RASGRF1: variants seen among roughly 807,000 people sequenced by gnomAD.
RASGRF1 encodes the protein ras-specific guanine nucleotide-releasing factor 1.
Under a neutral mutation model 138.7 loss-of-function variants are expected in RASGRF1, and 40 were observed. The ratio of observed to expected loss-of-function variants is 0.29; its 90% CI spans 0.22 to 0.38. The LOEUF (loss-of-function observed/expected upper bound fraction) is 0.38. RASGRF1 is among the 10% of genes least tolerant of loss of function. The pLI, the probability that RASGRF1 is intolerant of heterozygous loss-of-function variation, is 1.00. For missense variants in RASGRF1, 1,108 were observed against 1,650.4 expected (o/e 0.67, Z 5.69); for synonymous variants, 614 against 663.2 (o/e 0.93, Z 1.14).
intron 24 of RASGRF1, among the ~76,000 whole-genome samples, chr15:78,974,507 G>A (rs2055835434): frequency 1.3e-5 from 2 of 152,184 alleles, no homozygotes; most frequent in Admixed American, 6.5e-5. Flanking sequence ...CTGGTCCTCA[G>A]GCTCCTCATG....
chr15:79,033,173 C>T (rs1425383542), intron 6 of RASGRF1, among the ~76,000 whole-genome samples: 2 of 152,212 alleles, frequency 1.3e-5, no homozygotes, highest in Non-Finnish European at 2.9e-5. Context: ...AAGTCCCAAC[C>T]AATCTCCCCA....
At chr15:78,965,308 C>T (rs932212036) in intron 26 of RASGRF1, among the ~76,000 whole-genome samples, 13 of 152,252 alleles carry the variant, frequency 8.5e-5, no homozygotes, top group South Asian at 6.2e-4. Flanking sequence ...TGCTCTTTCC[C>T]GGAGGTTCTT....
intron 1 of RASGRF1, among the ~76,000 whole-genome samples, chr15:79,087,082 G>A (rs1336752476): frequency 1.3e-5 from 2 of 152,232 alleles, no homozygotes; most frequent in African/African-American, 2.4e-5. Flanking sequence ...CACTGAGGCT[G>A]CAGCAGAGGC....
chr15:78,988,898 T>C (rs2141652002), intron 22 of RASGRF1, among the ~76,000 whole-genome samples: 1 of 143,038 alleles, frequency 7.0e-6, no homozygotes, highest in African/African-American at 2.6e-5. Flanking sequence ...ATGGAAGCCA[T>C]GAGCTACCAC....
Position 79,004,137 on chromosome 15 carries a change from T to G in RASGRF1, c.2114A>C (p.Lys705Thr). 1 of 1,605,838 alleles carries G rather than the reference T, an allele frequency of 6.2e-7. No individual in the cohort carries two copies. Among genetic ancestry groups the G allele is most frequent in the Non-Finnish European group, 8.5e-7 (1 of 1,174,664 alleles). Residue 705 changes from lysine to threonine, a missense_variant, in exon 15 of 27, where the codon AAG (lysine) becomes ACG (threonine). By Grantham distance (78) the Lys-to-Thr change is moderately conservative. Transcript: ENST00000558480. ...CTTGGGGGGTTCACCGTACAGGAGCTTATTGTTCTGGCCACTGGCAAACAG... is the reference window on the plus strand; with the variant it reads ...CTTGGGGGGTTCACCGTACAGGAGCGTATTGTTCTGGCCACTGGCAAACAG... ...ELLFASGQNN[K>T]LLYGEPPKSP...
At chr15:78,994,371 G>A (rs574989130) in intron 20 of RASGRF1, among the ~76,000 whole-genome samples, 78 of 152,344 alleles carry the variant, frequency 5.1e-4, no homozygotes, top group Non-Finnish European at 1.0e-3. Flanking sequence ...GGAACCAGGA[G>A]GGGAACATGG....
chr15:78,986,057 G>C (rs1484109969), intron 22 of RASGRF1: 2 of 151,498 alleles, frequency 1.3e-5, no homozygotes, highest in Non-Finnish European at 2.9e-5. Context: ...AAAATAAACA[G>C]TTAAAAGGTG....
chr15:79,035,989 G>C (rs768386001), intron 5 of RASGRF1, among the ~76,000 whole-genome samples: 49 of 152,206 alleles, frequency 3.2e-4, no homozygotes, highest in Non-Finnish European at 6.0e-4. Context: ...GCTTAGCGCG[G>C]GCTGGGTACA....
At position 78,985,037 on chromosome 15, in the gene RASGRF1, GA is replaced by G; in HGVS notation, c.3383del (p.Leu1128ProfsTer15). 6.2e-7 allele frequency: 1 copy of G among 1,614,114 alleles called. No homozygotes were observed. The highest frequency in any genetic ancestry group is 8.5e-7 in the Non-Finnish European group (1 of 1,180,006). On this transcript the variant is annotated frameshift_variant, in exon 23 of 27. Transcript: ENST00000558480. LOFTEE classifies it high-confidence loss of function. ...SSMNRSAIFRLKKTWLKVSKQ... is the reference protein window; with the variant it reads ...SSMNRSAIFRXKKTWLKVSKQ... ...TAGAGACTTTGAGCCACGTCTTTTT[GA>G]GCCGGAAGATTGCACTGCGGTTCAT...
intron 10 of RASGRF1, among the ~76,000 whole-genome samples, chr15:79,022,397 G>A (rs138081662): frequency 0.023 from 3,513 of 151,886 alleles, 117 homozygotes; most frequent in African/African-American, 0.081. Context: ...CCGAGATTGC[G>A]CCATTACACT....
chr15:78,990,361 G>T, intron 21 of RASGRF1, 88 bp from the exon 22 acceptor site: 1 of 886,452 alleles, frequency 1.1e-6, no homozygotes, highest in Non-Finnish European at 1.8e-6. Context: ...TTATTTTTTG[G>T]CTTTTTGAGG....
intron 6 of RASGRF1, 23 bp downstream of exon 6, chr15:79,035,108 C>T (rs370142756): frequency 3.3e-5 from 53 of 1,596,162 alleles, no homozygotes; most frequent in Non-Finnish European, 4.2e-5. Flanking sequence ...CTCTGGGGGC[C>T]GCAGTGAGGG....
intron 10 of RASGRF1, among the ~76,000 whole-genome samples, chr15:79,020,908 G>A (rs1411367287): frequency 6.6e-6 from 1 of 152,190 alleles, no homozygotes; most frequent in South Asian, 2.1e-4. Flanking sequence ...CAGAAGTGAT[G>A]GTGTGCCACT....
intron 1 of RASGRF1, among the ~76,000 whole-genome samples, chr15:79,088,940 A>T (rs1201111700): frequency 1.3e-5 from 2 of 152,230 alleles, no homozygotes; most frequent in African/African-American, 2.4e-5. Context: ...GTCCTCAGAA[A>T]CTATCTCCTA....
chr15:79,028,837 A>G (rs1167408815), intron 8 of RASGRF1, among the ~76,000 whole-genome samples: 2 of 152,360 alleles, frequency 1.3e-5, no homozygotes, highest in South Asian at 2.1e-4. Context: ...ACATTATTCA[A>G]TTTAAACCCC....
chr15:79,057,417 C>G (rs1595947705), intron 3 of RASGRF1, among the ~76,000 whole-genome samples: 1 of 152,242 alleles, frequency 6.6e-6, no homozygotes, highest in African/African-American at 2.4e-5. Flanking sequence ...CTGGCCTGGG[C>G]CTTGCATTTT....
At chr15:79,028,817 T>A (rs889117634) in intron 8 of RASGRF1, among the ~76,000 whole-genome samples, 3 of 152,196 alleles carry the variant, frequency 2.0e-5, no homozygotes, top group Non-Finnish European at 4.4e-5. Flanking sequence ...CTTACAAACT[T>A]CTCTCATAGA....
At position 79,048,246 on chromosome 15, in the gene RASGRF1, G is replaced by A. The variant is rs528428211; in HGVS notation, c.625-1247C>T. On this transcript the variant is annotated intron_variant, in intron 4 of 26. Transcript: ENST00000558480. ...GGGCCCTGGCAGTTCCTAGAGGTGCGTGAGGCTAGCTGGGGGTGGGGGATG... is the reference window on the plus strand; with the variant it reads ...GGGCCCTGGCAGTTCCTAGAGGTGCATGAGGCTAGCTGGGGGTGGGGGATG... 6.6e-5 allele frequency among the ~76,000 whole-genome samples: 10 copies of A among 152,266 alleles called. No individual in the cohort carries two copies. The East Asian group carries it at 9.7e-4, about 15-fold the overall frequency.
At chr15:79,047,082 G>A (rs2057364241) in intron 4 of RASGRF1, 83 bp from the exon 5 acceptor site, 2 of 1,528,698 alleles carry the variant, frequency 1.3e-6, no homozygotes, top group African/African-American at 2.7e-5. Flanking sequence ...GCTCCCCAAG[G>A]GTAGGAACCA....
Sources: allele counts gnomAD v4.1 joint callset (sites outside exome capture counted in the v4.1 genomes callset), GRCh38; gene constraint gnomAD v4.1.1; transcripts MANE v1.5; gene names NCBI Gene and HGNC (gene_info 2026-07-23, HGNC 2026-07-21).